Variants in MAD1L1 observed in about 807,000 individuals in gnomAD.
MAD1L1 encodes the protein mitotic arrest deficient 1 like 1.
In MAD1L1, 95 loss-of-function variants were observed where a neutral mutation model predicts 96.9. That is an observed-to-expected ratio of 0.98 (90% confidence interval 0.83 to 1.16). The LOEUF is 1.16. Among genes scored for constraint, MAD1L1 ranks in the 50% most tolerant of loss-of-function variants. MAD1L1 has a pLI of 0.00. For missense variants in MAD1L1, 1,007 were observed against 954.4 expected, an observed-to-expected ratio of 1.06 and a Z score of -0.73; for synonymous variants, 473 against 396.6, an observed-to-expected ratio of 1.19 and a Z score of -2.29.
chr7:1,883,185 C>T (rs193083947), intron 18 of MAD1L1, among the ~76,000 whole-genome samples: 2 of 151,610 alleles, frequency 1.3e-5, no homozygotes, highest in East Asian at 3.9e-4. Flanking sequence ...GTGTCACAAA[C>T]GACTCCAGGA....
rs1354613024 is a variant in MAD1L1, at chr7:1,980,372, C to A, written c.1505+81G>T. Reference sequence around the variant, plus strand: ...CACCTGGGCGTATCTGCCTCCTCCCCCGCAGGACACACCTGGGCGTATCCG... The same window carrying A: ...CACCTGGGCGTATCTGCCTCCTCCCACGCAGGACACACCTGGGCGTATCCG... On this transcript the variant is annotated intron_variant, in intron 15 of 18. Coordinates refer to ENST00000265854, the MANE Select transcript of MAD1L1 (RefSeq NM_001013836.2). 4.0e-6 allele frequency: 5 copies of A among 1,241,040 alleles called. No homozygotes were observed. In the South Asian group the frequency reaches 4.1e-5, roughly 10 times the overall value. 76.9% of individuals were successfully genotyped at this position (1,241,040 alleles called of 1,614,324 possible).
chr7:2,010,606 G>A (rs1782254720), intron 13 of MAD1L1, among the ~76,000 whole-genome samples: 1 of 152,176 alleles, frequency 6.6e-6, no homozygotes, highest in Non-Finnish European at 1.5e-5. Context: ...CACCAGACGG[G>A]TCTGGGGTTC....
intron 18 of MAD1L1, among the ~76,000 whole-genome samples, chr7:1,855,052 C>T (rs940127752): frequency 5.9e-5 from 9 of 152,186 alleles, no homozygotes; most frequent in Admixed American, 6.5e-5. Flanking sequence ...AAGAAGGCAT[C>T]GGCGGCTGGG....
chr7:2,208,780 T>C (rs1019150051), intron 10 of MAD1L1, among the ~76,000 whole-genome samples: 2 of 152,142 alleles, frequency 1.3e-5, no homozygotes, highest in Admixed American at 6.5e-5. Flanking sequence ...CTCCCCCTCC[T>C]GTGCCCGAGG....
chr7:1,864,936 C>T (rs1784709835), intron 18 of MAD1L1, among the ~76,000 whole-genome samples: 1 of 152,210 alleles, frequency 6.6e-6, no homozygotes, highest in African/African-American at 2.4e-5. Flanking sequence ...AATCCTGTGT[C>T]GAATAAGCCT....
At chr7:1,863,944 C>G (rs934149966) in intron 18 of MAD1L1, among the ~76,000 whole-genome samples, 2 of 152,182 alleles carry the variant, frequency 1.3e-5, no homozygotes, top group Non-Finnish European at 2.9e-5. Context: ...AAAAATTAGC[C>G]AGGCATGGTG....
intron 4 of MAD1L1, chr7:2,223,486 C>T (rs922607542): frequency 1.3e-5 from 2 of 152,304 alleles, no homozygotes; most frequent in African/African-American, 4.8e-5. Flanking sequence ...CTCCGGGACC[C>T]TCTCACCCTG....
chr7:2,230,185 C>T (rs1468385279), intron 2 of MAD1L1, 42 bp from the exon 3 acceptor site: 1 of 1,524,376 alleles, frequency 6.6e-7, no homozygotes, highest in Admixed American at 2.0e-5. Flanking sequence ...GCAGCCTTTC[C>T]ACGTGCCATC....
intron 18 of MAD1L1, among the ~76,000 whole-genome samples, chr7:1,850,517 G>A (rs1783910652): frequency 6.6e-6 from 1 of 152,186 alleles, no homozygotes. Flanking sequence ...CCAGACGGTG[G>A]GTCAGGGCCT....
At chr7:2,199,118 C>T (rs1342519725) in intron 10 of MAD1L1, among the ~76,000 whole-genome samples, 1 of 152,234 alleles carries the variant, frequency 6.6e-6, no homozygotes, top group Non-Finnish European at 1.5e-5. Context: ...TCCAGCTCCA[C>T]CTGCACGGAG....
chr7:1,928,597 C>G (rs1408798842), intron 17 of MAD1L1, among the ~76,000 whole-genome samples: 2 of 152,222 alleles, frequency 1.3e-5, no homozygotes, highest in African/African-American at 4.8e-5. Context: ...AGACGCCAGC[C>G]CTTCTTCTCC....
chr7:2,081,067 G>A (rs1397617049), intron 11 of MAD1L1, among the ~76,000 whole-genome samples: 1 of 152,194 alleles, frequency 6.6e-6, no homozygotes, highest in Non-Finnish European at 1.5e-5. Context: ...GAAGAGAGAG[G>A]AGAGAGCTGC....
At chr7:2,101,993 C>A (rs1049767752) in intron 11 of MAD1L1, among the ~76,000 whole-genome samples, 1 of 152,128 alleles carries the variant, frequency 6.6e-6, no homozygotes, top group Non-Finnish European at 1.5e-5. Flanking sequence ...GTGGGCAGAT[C>A]ACACAGCCTC....
At position 2,016,576 on chromosome 7, in the gene MAD1L1, G is replaced by A. The variant is rs375381449; in HGVS notation, c.1219-1934C>T. 1.3e-3 allele frequency among the ~76,000 whole-genome samples: 204 copies of A among 152,282 alleles called. 2 individuals carry two copies. The highest frequency in any genetic ancestry group is 4.8e-3 in the African/African-American group (198 of 41,572). On this transcript the variant is annotated intron_variant, in intron 12 of 18. Coordinates refer to ENST00000265854, the MANE Select transcript of MAD1L1 (RefSeq NM_001013836.2). The stretch of plus-strand genomic sequence containing the variant: ...ACTGCCTGGCCCCTGCCAGGCCCTC[G>A]GTCTATCCCCCACAGGCGAGGAGGG...
At chr7:1,924,982 C>T (rs968404937) in intron 17 of MAD1L1, among the ~76,000 whole-genome samples, 1 of 151,828 alleles carries the variant, frequency 6.6e-6, no homozygotes, top group Non-Finnish European at 1.5e-5. Context: ...GACATAGATA[C>T]ATCAAAATGG....
At position 1,984,545 on chromosome 7, in the gene MAD1L1, T is replaced by A. The variant is rs569173027; in HGVS notation, c.1417-4004A>T. Among the ~76,000 whole-genome samples the A allele has an allele frequency of 1.1e-4, 16 of 152,364 alleles. No homozygotes were observed. In the South Asian group the frequency reaches 3.3e-3, roughly 32 times the overall value. On this transcript the variant is annotated intron_variant, in intron 14 of 18. Coordinates refer to ENST00000265854, the MANE Select transcript of MAD1L1 (RefSeq NM_001013836.2). ...CCTTGAATCTTTCCTCATTTCTGCTTTTCCCAACAGCGGTGATGTGTTATT... is the reference window on the plus strand; with the variant it reads ...CCTTGAATCTTTCCTCATTTCTGCTATTCCCAACAGCGGTGATGTGTTATT...
chr7:2,174,396 C>T (rs1293753465), intron 10 of MAD1L1, among the ~76,000 whole-genome samples: 3 of 152,170 alleles, frequency 2.0e-5, no homozygotes. Context: ...CAGCAACATG[C>T]CATGGCAATG....
At chr7:1,912,566 A>G (rs1788090036) in intron 17 of MAD1L1, among the ~76,000 whole-genome samples, 1 of 152,164 alleles carries the variant, frequency 6.6e-6, no homozygotes, top group African/African-American at 2.4e-5. Flanking sequence ...CCGATGCATC[A>G]GAGCCACCGG....
chr7:2,215,115 A>C (rs1793192801), intron 9 of MAD1L1, among the ~76,000 whole-genome samples: 2 of 152,290 alleles, frequency 1.3e-5, no homozygotes, highest in Middle Eastern at 3.4e-3. Flanking sequence ...ATGGTGGCTC[A>C]CGTCTATAAT....
Sources: gnomAD v4.1 joint callset for allele counts (sites outside exome capture counted in the v4.1 genomes callset) on GRCh38, gnomAD v4.1.1 for gene constraint, MANE v1.5 for transcripts, NCBI Gene and HGNC (gene_info 2026-07-23, HGNC 2026-07-21) for gene names.